Variants in UPP2 observed in about 807,000 individuals in gnomAD.
The protein encoded by UPP2 is uridine phosphorylase 2.
Under a neutral mutation model 26.7 loss-of-function variants are expected in UPP2, and 23 were observed. That is an observed-to-expected ratio of 0.86 (90% confidence interval 0.62 to 1.22). The LOEUF (loss-of-function observed/expected upper bound fraction) is 1.22, where lower values mean the gene tolerates loss of function less well. Among genes scored for constraint, UPP2 ranks in the 50% most tolerant of loss-of-function variants. UPP2 has a pLI of 0.00. For synonymous variants in UPP2, 127 were observed against 141.3 expected (o/e 0.90, Z 0.72); for missense variants, 387 against 396.7 (o/e 0.98, Z 0.21).
chr2:158,116,097 C>A (rs1312784530), intron 3 of UPP2, among the ~76,000 whole-genome samples: 2 of 152,164 alleles, frequency 1.3e-5, no homozygotes, highest in East Asian at 3.9e-4. Context: ...TGTGGACAAT[C>A]ATTGATGAAA....
At chr2:158,018,141 AC>A (rs1184540624) in intron 3 of UPP2, among the ~76,000 whole-genome samples, 5 of 152,206 alleles carry the variant, frequency 3.3e-5, no homozygotes, top group African/African-American at 1.2e-4. Context: ...CATTTACTAA[AC>A]AGCCTCTCGT....
intron 2 of UPP2, among the ~76,000 whole-genome samples, chr2:158,002,400 A>G (rs1215767126): frequency 6.6e-6 from 1 of 152,206 alleles, no homozygotes; most frequent in Non-Finnish European, 1.5e-5. Flanking sequence ...CAGTTAGAGG[A>G]CAATGCAGGC....
chr2:158,069,160 CAAGGTACAAT>C (rs1682496950), intron 3 of UPP2, among the ~76,000 whole-genome samples: 1 of 151,954 alleles, frequency 6.6e-6, no homozygotes, highest in African/African-American at 2.4e-5. Flanking sequence ...AAATGATTGC[CAAGGTACAAT>C]AAGACACATT....
intron 3 of UPP2, among the ~76,000 whole-genome samples, chr2:158,042,200 C>T (rs1644940731): frequency 6.6e-6 from 1 of 152,194 alleles, no homozygotes; most frequent in African/African-American, 2.4e-5. Context: ...TGTGGAGCAT[C>T]TCACCCCTTC....
intron 6 of UPP2, 145 bp from the exon 7 acceptor site, chr2:158,134,603 G>T (rs951440371): frequency 7.4e-6 from 7 of 950,988 alleles, no homozygotes; most frequent in African/African-American, 5.1e-5. Context: ...AGACCAGAAG[G>T]TTCAGTAGGT....
At chr2:158,122,103 C>T (rs995617151) in intron 5 of UPP2, among the ~76,000 whole-genome samples, 1 of 151,710 alleles carries the variant, frequency 6.6e-6, no homozygotes, top group African/African-American at 2.4e-5. Flanking sequence ...GTAAGGGGTC[C>T]CCAAACCAAG....
Position 158,123,864 on chromosome 2 carries a change from T to C in UPP2, c.780T>C (p.Phe260=). The C allele has an allele frequency of 6.2e-7, 1 of 1,614,032 alleles. No individual in the cohort carries two copies. The highest frequency in any genetic ancestry group is 8.5e-7 in the Non-Finnish European group (1 of 1,179,906). ...ATATTGAAATGGAATCTACAGTGTT[T>C]GCAGCTATGTGTGGACTCTGTGGTC... The part of the protein sequence containing the change: ...VRNIEMESTV[F]AAMCGLCGLK... Residue 260 remains phenylalanine (F), a synonymous_variant, in exon 6 of 7, where the codon TTT becomes TTC. Coordinates refer to ENST00000005756, the MANE Select transcript of UPP2 (RefSeq NM_173355.4).
chr2:158,036,103 AT>A (rs1464519335), intron 3 of UPP2, among the ~76,000 whole-genome samples: 5 of 152,228 alleles, frequency 3.3e-5, no homozygotes, highest in Non-Finnish European at 7.3e-5. Context: ...AGCAGTGATG[AT>A]TTAAAAAACA....
intron 3 of UPP2, among the ~76,000 whole-genome samples, chr2:158,090,222 G>A (rs772517727): frequency 6.6e-6 from 1 of 152,154 alleles, no homozygotes; most frequent in Admixed American, 6.5e-5. Flanking sequence ...TCAAATGTAG[G>A]CCGGGCACAG....
rs1683943592 is a variant in UPP2 at position 158,032,828 on chromosome 2, T to G, written c.147+16942T>G. Among the ~76,000 whole-genome samples, 3 of 152,164 alleles carry G rather than the reference T, an allele frequency of 2.0e-5. No individual in the cohort carries two copies. The South Asian group carries it at 6.2e-4, about 31-fold the overall frequency. ...TTTTGAGTTGCTAAATAGCAATGCT[T>G]TTCATATCTGACAGGCAGCACAGGT... On this transcript the variant is annotated intron_variant, in intron 3 of 9. Transcript: ENST00000605860.
intron 3 of UPP2, among the ~76,000 whole-genome samples, chr2:158,022,585 C>T (rs1574249651): frequency 1.3e-5 from 2 of 152,042 alleles, no homozygotes; most frequent in Non-Finnish European, 1.5e-5. Context: ...ATTGACACCA[C>T]ACAATAGTTG....
chr2:158,121,456 T>C lies in UPP2; in HGVS notation c.502T>C (p.Phe168Leu). The stretch of plus-strand genomic sequence containing the variant: ...AATAACGGATATAGCTGTAGACTCC[T>C]TCTTTAAGCCCCGGTTTGAACAGGT... ...VVITDIAVDSFFKPRFEQVIL... is the reference protein window; with the variant it reads ...VVITDIAVDSLFKPRFEQVIL... The change falls in exon 5 of 7, where the codon TTC (phenylalanine) becomes CTC (leucine). Residue 168 changes from phenylalanine to leucine, a missense_variant. Physicochemically the swap from Phe to Leu is conservative, Grantham distance 22. Coordinates refer to ENST00000005756, the MANE Select transcript of UPP2 (RefSeq NM_173355.4). 6.2e-7 allele frequency: 1 copy of C among 1,613,546 alleles called. No individual in the cohort carries two copies. Among genetic ancestry groups the C allele is most frequent in the Non-Finnish European group, 8.5e-7 (1 of 1,179,506 alleles).
At chr2:158,075,091 T>C (rs1286494859) in intron 3 of UPP2, among the ~76,000 whole-genome samples, 2 of 151,988 alleles carry the variant, frequency 1.3e-5, no homozygotes, top group African/African-American at 4.8e-5. Context: ...TATAAATATA[T>C]ATGCACCCAA....
chr2:158,012,545 G>A lies in UPP2; in HGVS notation c.62-3256G>A, dbSNP rs553213198. ...GGCCTGCCAAAGTGCTGGGATTACA[G>A]GTGTGAGCCACCGTGCCTAGCTGAT... On this transcript the variant is annotated intron_variant, in intron 2 of 9. Transcript: ENST00000605860. 3.6e-4 allele frequency among the ~76,000 whole-genome samples: 54 copies of A among 152,104 alleles called. 1 individual carries two copies. The highest frequency in any genetic ancestry group is 1.0e-3 in the African/African-American group (42 of 41,522).
At chr2:158,107,355 A>G (rs1268775478) in intron 2 of UPP2, among the ~76,000 whole-genome samples, 1 of 152,192 alleles carries the variant, frequency 6.6e-6, no homozygotes, top group East Asian at 1.9e-4. Flanking sequence ...GGATGGGTTT[A>G]GCAGATATTA....
At chr2:158,004,730 T>A (rs1683463165) in intron 2 of UPP2, among the ~76,000 whole-genome samples, 1 of 152,240 alleles carries the variant, frequency 6.6e-6, no homozygotes, top group Non-Finnish European at 1.5e-5. Context: ...CATAAAGAAA[T>A]GCAATTTGGT....
intron 3 of UPP2, chr2:158,065,575 G>A (rs1353015440): frequency 9.1e-6 from 5 of 549,766 alleles, no homozygotes; most frequent in East Asian, 4.4e-5. Flanking sequence ...AGCTCCTGTG[G>A]AAGTCACATA....
chr2:158,122,693 A>G (rs1415378453), intron 5 of UPP2, among the ~76,000 whole-genome samples: 2 of 149,328 alleles, frequency 1.3e-5, no homozygotes, highest in East Asian at 3.8e-4. Context: ...GCTTTTTGAA[A>G]TAACTAGCAT....
intron 2 of UPP2, among the ~76,000 whole-genome samples, chr2:157,996,573 C>T (rs1244629257): frequency 1.3e-5 from 2 of 152,152 alleles, no homozygotes; most frequent in South Asian, 4.2e-4. Flanking sequence ...TATTTTTATG[C>T]TTTAGTTGTA....
Sources: gnomAD v4.1 joint callset for allele counts (sites outside exome capture counted in the v4.1 genomes callset) on GRCh38, gnomAD v4.1.1 for gene constraint, MANE v1.5 for transcripts, NCBI Gene and HGNC (gene_info 2026-07-23, HGNC 2026-07-21) for gene names.